Variants in HS3ST4 observed in about 807,000 individuals in gnomAD.
HS3ST4 encodes the protein heparan sulfate-glucosamine 3-sulfotransferase 4.
A neutral mutation model predicts 29.2 loss-of-function variants in HS3ST4; 17 were observed. The observed-to-expected ratio is 0.58, with a 90% CI of 0.40 to 0.87. HS3ST4 has a LOEUF of 0.87. Among genes scored for constraint, HS3ST4 ranks in the 40% least tolerant of loss-of-function variants. The pLI is 0.00. For synonymous variants in HS3ST4, 314 were observed against 285.7 expected, an observed-to-expected ratio of 1.10 and a Z score of -1.00; for missense variants, 627 against 634.5, an observed-to-expected ratio of 0.99 and a Z score of 0.13.
At chr16:25,724,875 G>T (rs4416016) in intron 1 of HS3ST4, among the ~76,000 whole-genome samples, 110,955 of 151,700 alleles carry the variant, frequency 0.73, 41,517 homozygotes, top group East Asian at 0.84. Flanking sequence ...TTTGGTGGCT[G>T]AAATCTCTAG....
At chr16:25,764,038 T>A (rs150983695) in intron 1 of HS3ST4, among the ~76,000 whole-genome samples, 1 of 152,210 alleles carries the variant, frequency 6.6e-6, no homozygotes, top group Non-Finnish European at 1.5e-5. Context: ...CTAACGGAGC[T>A]GATGAAGGAG....
At chr16:26,122,665 A>G (rs1391103940) in intron 1 of HS3ST4, among the ~76,000 whole-genome samples, 1 of 152,178 alleles carries the variant, frequency 6.6e-6, no homozygotes, top group Non-Finnish European at 1.5e-5. Context: ...ACTGGGTTGT[A>G]TCAATGTCCA....
chr16:25,933,322 C>G, intron 1 of HS3ST4: 1 of 503,642 alleles, frequency 2.0e-6, no homozygotes. Flanking sequence ...GTTAGTTTCT[C>G]TAATTCTCTA....
intron 1 of HS3ST4, among the ~76,000 whole-genome samples, chr16:25,925,836 G>T (rs569236563): frequency 2.0e-5 from 3 of 152,238 alleles, no homozygotes; most frequent in African/African-American, 7.2e-5. Flanking sequence ...CTCGTGGCTT[G>T]ACACTAGGTG....
intron 1 of HS3ST4, among the ~76,000 whole-genome samples, chr16:26,075,391 G>A (rs9924219): frequency 0.041 from 6,266 of 152,208 alleles, 427 homozygotes; most frequent in African/African-American, 0.14. Flanking sequence ...GTAATTACCC[G>A]AGAACAGGGG....
intron 1 of HS3ST4, among the ~76,000 whole-genome samples, chr16:25,924,728 C>T (rs1327466702): frequency 1.3e-5 from 2 of 152,166 alleles, no homozygotes; most frequent in African/African-American, 4.8e-5. Flanking sequence ...AAAATGTAGT[C>T]CCTTCTCAGG....
intron 1 of HS3ST4, among the ~76,000 whole-genome samples, chr16:25,969,546 G>A (rs1245493135): frequency 6.6e-6 from 1 of 152,198 alleles, no homozygotes; most frequent in African/African-American, 2.4e-5. Context: ...CTGGGCTGTA[G>A]ACCTTTACTC....
At position 26,137,321 on chromosome 16, in the gene HS3ST4, GC is replaced by G. The variant is rs1383030162; in HGVS notation, c.*1077del. The G allele has an allele frequency of 6.6e-6, 1 of 152,114 alleles. No individual in the cohort carries two copies. Among genetic ancestry groups the G allele is most frequent in the African/African-American group, 2.4e-5 (1 of 41,394 alleles). The allele number at this position is 152,114 out of a possible 1,614,324, so 9.4% of individuals were successfully genotyped here. On this transcript the variant is annotated 3_prime_UTR_variant, in exon 2 of 2. Transcript: ENST00000331351. ...GGAGCAGTCAGCATTCTTCCAATTT[GC>G]CCCACCACCACCTCCTCGGGCTTCA...
chr16:25,933,015 G>A (rs369011412), intron 1 of HS3ST4, among the ~76,000 whole-genome samples: 1 of 152,302 alleles, frequency 6.6e-6, no homozygotes. Flanking sequence ...TTATTCAGGT[G>A]TCTGCTTCCA....
chr16:26,088,883 A>G (rs1423386143), intron 1 of HS3ST4, among the ~76,000 whole-genome samples: 2 of 152,200 alleles, frequency 1.3e-5, no homozygotes, highest in Non-Finnish European at 2.9e-5. Context: ...GATTCTCAAC[A>G]TTAATTTTTT....
intron 1 of HS3ST4, among the ~76,000 whole-genome samples, chr16:26,093,973 G>A (rs1455383661): frequency 6.6e-6 from 1 of 152,204 alleles, no homozygotes; most frequent in East Asian, 1.9e-4. Flanking sequence ...GCATGCACAA[G>A]CTTCAATAGC....
At chr16:25,933,850 C>A (rs1234496120) in intron 1 of HS3ST4, among the ~76,000 whole-genome samples, 1 of 151,988 alleles carries the variant, frequency 6.6e-6, no homozygotes, top group Non-Finnish European at 1.5e-5. Flanking sequence ...ACTCATAGAG[C>A]GAGAACCCAC....
At chr16:25,780,885 G>T (rs1388969187) in intron 1 of HS3ST4, among the ~76,000 whole-genome samples, 1 of 152,102 alleles carries the variant, frequency 6.6e-6, no homozygotes, top group Non-Finnish European at 1.5e-5. Flanking sequence ...TTACTCAGTG[G>T]AGTTGGTCTG....
At chr16:25,707,360 A>T (rs1966382440) in intron 1 of HS3ST4, among the ~76,000 whole-genome samples, 1 of 152,202 alleles carries the variant, frequency 6.6e-6, no homozygotes, top group Non-Finnish European at 1.5e-5. Context: ...CTATCTTATT[A>T]TGAGTTGTTA....
chr16:25,951,960 C>A (rs955742411), intron 1 of HS3ST4, among the ~76,000 whole-genome samples: 1 of 150,960 alleles, frequency 6.6e-6, no homozygotes. Flanking sequence ...GCACATGTAC[C>A]CTGGAACTTA....
intron 1 of HS3ST4, among the ~76,000 whole-genome samples, chr16:26,017,377 G>T (rs1969371864): frequency 6.6e-6 from 1 of 152,226 alleles, no homozygotes; most frequent in African/African-American, 2.4e-5. Flanking sequence ...TAGGGGAAAA[G>T]TTGGAAAATG....
chr16:25,989,103 G>A (rs566844798), intron 1 of HS3ST4, among the ~76,000 whole-genome samples: 18 of 152,268 alleles, frequency 1.2e-4, no homozygotes, highest in Middle Eastern at 3.4e-3. Flanking sequence ...AGAAACAGCC[G>A]GAATGGTTAC....
intron 1 of HS3ST4, among the ~76,000 whole-genome samples, chr16:25,698,001 A>G (rs940254166): frequency 6.6e-6 from 1 of 151,890 alleles, no homozygotes. Context: ...AGGTTGCTAG[A>G]TGCTGCTGCT....
chr16:25,950,894 G>A (rs1398664874), intron 1 of HS3ST4, among the ~76,000 whole-genome samples: 3 of 152,152 alleles, frequency 2.0e-5, no homozygotes, highest in Admixed American at 6.6e-5. Context: ...AGGCACTCCA[G>A]GACGCCAGCT....
Sources: allele counts gnomAD v4.1 joint callset (sites outside exome capture counted in the v4.1 genomes callset), GRCh38; gene constraint gnomAD v4.1.1; transcripts MANE v1.5; gene names NCBI Gene and HGNC (gene_info 2026-07-23, HGNC 2026-07-21).